The following BRI3BP variants were observed in gnomAD, a reference collection of about 807,000 sequenced individuals.
BRI3BP encodes the protein BRI3-binding protein.
Under a neutral mutation model 15.8 loss-of-function variants are expected in BRI3BP, and 7 were observed. That is an observed-to-expected ratio of 0.44 (90% CI 0.25 to 0.83). The LOEUF is 0.83. BRI3BP is among the 40% of genes least tolerant of loss of function. The pLI is 0.20. For synonymous variants in BRI3BP, 192 were observed against 163.5 expected (o/e 1.17, Z -1.33); for missense variants, 320 against 339.3 (o/e 0.94, Z 0.45).
intron 2 of BRI3BP, among the ~76,000 whole-genome samples, chr12:125,019,413 C>T (rs1045831146): frequency 6.6e-6 from 1 of 151,898 alleles, no homozygotes; most frequent in African/African-American, 2.4e-5. Context: ...CTTGATGACA[C>T]GATGCTTCTC....
intron 2 of BRI3BP, among the ~76,000 whole-genome samples, chr12:125,024,753 C>G (rs1309056598): frequency 6.6e-6 from 1 of 151,024 alleles, no homozygotes; most frequent in African/African-American, 2.4e-5. Flanking sequence ...GAGCCGAGAT[C>G]ACACCATTGC....
At chr12:125,004,050 A>G (rs1163499487) in intron 1 of BRI3BP, among the ~76,000 whole-genome samples, 5 of 151,972 alleles carry the variant, frequency 3.3e-5, no homozygotes, top group African/African-American at 1.2e-4. Flanking sequence ...TTAACATCTA[A>G]TGCAGGTCCA....
At chr12:125,024,962 G>T in intron 2 of BRI3BP, 29 bp from the exon 3 acceptor site, 2 of 1,575,658 alleles carry the variant, frequency 1.3e-6, no homozygotes, top group Non-Finnish European at 1.7e-6. Flanking sequence ...CCTGCGTAAC[G>T]AGCCCTGTTC....
chr12:125,020,246 T>A (rs562471467), intron 2 of BRI3BP, among the ~76,000 whole-genome samples: 17 of 152,268 alleles, frequency 1.1e-4, no homozygotes, highest in Admixed American at 2.6e-4. Flanking sequence ...GTGCCCGGCC[T>A]AACAGACATT....
rs1955014256 is a variant in BRI3BP, at chr12:124,993,689, G to T, written c.-102G>T. ...CGGCGGCTGTGGGTAAAGGCGCGGC[G>T]CGCGGCCCCCGAGCGCGCCAACCTT... On this transcript the variant is annotated 5_prime_UTR_variant, in exon 1 of 3. Coordinates refer to ENST00000341446, the MANE Select transcript of BRI3BP (RefSeq NM_080626.6). The T allele has an allele frequency of 1.6e-6, 1 of 639,916 alleles. No individual in the cohort carries two copies. The highest frequency in any genetic ancestry group is 1.9e-6 in the Non-Finnish European group (1 of 516,594). The allele number at this position is 639,916 out of a possible 1,614,324, so 39.6% of individuals were successfully genotyped here.
At position 125,025,854 on chromosome 12, in the gene BRI3BP, A is replaced by C. The variant is rs1955349985; in HGVS notation, c.*424A>C. ...GAATATGCTAATTTGACATTTGAGA[A>C]AAGTTTAAATGCGAGCGTTTGTTTT... On this transcript the variant is annotated 3_prime_UTR_variant, in exon 3 of 3. Transcript: ENST00000341446. The C allele has an allele frequency of 6.3e-6, 1 of 158,174 alleles. No homozygotes were observed. The highest frequency in any genetic ancestry group is 6.4e-5 in the Admixed American group (1 of 15,724). The allele number at this position is 158,174 out of a possible 1,614,324, so 9.8% of individuals were successfully genotyped here. A position where few individuals can be genotyped will look rare whatever the true frequency, so the allele number is the denominator to read the frequency against.
In BRI3BP at chr12:124,998,282, C is replaced by T. The variant is rs987630380; in HGVS notation, c.213+4279C>T. 6.6e-5 allele frequency among the ~76,000 whole-genome samples: 10 copies of T among 152,122 alleles called. No individual in the cohort carries two copies. The South Asian group carries it at 1.7e-3, about 25-fold the overall frequency. On this transcript the variant is annotated intron_variant, in intron 1 of 2. Transcript: ENST00000341446. ...ACTCAAGCCGGGGGAACAGAGACTC[C>T]GTCTCAAAAAAAATTATTAAGCAAC...
At chr12:125,034,550 A>C (rs968271752), downstream of BRI3BP, among the ~76,000 whole-genome samples, 1 of 151,880 alleles carries the variant, frequency 6.6e-6, no homozygotes, top group Admixed American at 6.6e-5. Context: ...ATCCCCAGGC[A>C]ACCTTTGAGC....
intron 2 of BRI3BP, among the ~76,000 whole-genome samples, chr12:125,020,624 C>G (rs2135998242): frequency 6.6e-6 from 1 of 152,338 alleles, no homozygotes; most frequent in South Asian, 2.1e-4. Context: ...AGTGGCTCAT[C>G]TGGTAATCCC....
rs1419110647 is a variant in BRI3BP at position 125,026,509 on chromosome 12, C to CT, written c.*1080dup. On this transcript the variant is annotated 3_prime_UTR_variant, in exon 3 of 3. Transcript: ENST00000341446. ...TACACAGGTGCTTTTTATCTGAAAT[C>CT]TGTTGTGTCCTCCTTTTAGGCAGTC... 1.3e-5 allele frequency: 2 copies of CT among 152,086 alleles called. No individual in the cohort carries two copies. The highest frequency in any genetic ancestry group is 4.8e-5 in the African/African-American group (2 of 41,408). 9.4% of individuals were successfully genotyped at this position (152,086 alleles called of 1,614,324 possible).
chr12:125,007,813 C>T (rs563804692), intron 1 of BRI3BP, among the ~76,000 whole-genome samples: 35 of 152,092 alleles, frequency 2.3e-4, no homozygotes, highest in Non-Finnish European at 4.1e-4. Flanking sequence ...ATATGTCCAT[C>T]GTTGTTTTTG....
chr12:125,004,183 A>T (rs1438169648), intron 1 of BRI3BP, among the ~76,000 whole-genome samples: 1 of 152,052 alleles, frequency 6.6e-6, no homozygotes, highest in Non-Finnish European at 1.5e-5. Flanking sequence ...TTTTTTTAAA[A>T]TTTTTTTGAG....
At chr12:125,035,987 A>G (rs1955437719), downstream of BRI3BP, among the ~76,000 whole-genome samples, 1 of 152,094 alleles carries the variant, frequency 6.6e-6, no homozygotes, top group Non-Finnish European at 1.5e-5. Flanking sequence ...CCAAGTCAAT[A>G]GTCCATGGTC....
At chr12:125,007,202 C>T (rs1283601788) in intron 1 of BRI3BP, among the ~76,000 whole-genome samples, 2 of 151,302 alleles carry the variant, frequency 1.3e-5, no homozygotes, top group South Asian at 2.1e-4. Flanking sequence ...CTGTCTCCGC[C>T]CCCCCCAAAT....
intron 2 of BRI3BP, among the ~76,000 whole-genome samples, chr12:125,024,037 C>T (rs1216728306): frequency 6.6e-6 from 1 of 152,204 alleles, no homozygotes; most frequent in African/African-American, 2.4e-5. Context: ...TGCCACTGCA[C>T]TCCAACCTCA....
intron 1 of BRI3BP, among the ~76,000 whole-genome samples, chr12:125,008,830 G>A (rs999736559): frequency 2.0e-5 from 3 of 152,134 alleles, no homozygotes; most frequent in Non-Finnish European, 2.9e-5. Context: ...GGAGCACTGA[G>A]CTTGTTTTCC....
intron 1 of BRI3BP, among the ~76,000 whole-genome samples, chr12:125,001,352 G>A (rs12422229): frequency 0.061 from 9,135 of 150,888 alleles, 405 homozygotes; most frequent in Admixed American, 0.14. Context: ...CACCGCACCC[G>A]GCCCCAATTA....
At chr12:125,002,460 TG>T (rs774085186) in intron 1 of BRI3BP, among the ~76,000 whole-genome samples, 7,099 of 147,906 alleles carry the variant, frequency 0.048, 284 homozygotes, top group Admixed American at 0.12. Flanking sequence ...TTTTTTGTTT[TG>T]TTTTTTTTTT....
chr12:124,994,009 C>A lies in BRI3BP; in HGVS notation c.213+6C>A, dbSNP rs779990790. The A allele has an allele frequency of 1.5e-6, 2 of 1,324,686 alleles. No homozygotes were observed. Among genetic ancestry groups the A allele is most frequent in the Middle Eastern group, 2.5e-4 (1 of 3,992 alleles). 82.1% of individuals were successfully genotyped at this position (1,324,686 alleles called of 1,614,324 possible). On this transcript the variant is annotated splice_donor_region_variant and intron_variant, in intron 1 of 2. Transcript: ENST00000341446. The stretch of plus-strand genomic sequence containing the variant: ...ACGTGCGCGCCGCTCAGAAGGTGGG[C>A]GCCGGGCCCGCGCCCGCGGTCACCT...
Sources: gnomAD v4.1 joint callset for allele counts (sites outside exome capture counted in the v4.1 genomes callset) on GRCh38, gnomAD v4.1.1 for gene constraint, MANE v1.5 for transcripts, NCBI Gene and HGNC (gene_info 2026-07-23, HGNC 2026-07-21) for gene names.